The following NANS variants were observed in gnomAD, a reference collection of about 807,000 sequenced individuals.
NANS encodes N-acetylneuraminate-9-phosphate synthase.
In NANS, 29 loss-of-function variants were observed where a neutral mutation model predicts 33.3. The ratio of observed to expected loss-of-function variants is 0.87; its 90% confidence interval spans 0.65 to 1.19. The LOEUF (loss-of-function observed/expected upper bound fraction) is 1.19, where lower values mean the gene tolerates loss of function less well. Ranked by LOEUF, NANS falls within the 50% of genes most tolerant of loss-of-function variation. The pLI is 0.00. For synonymous variants in NANS, 163 were observed against 177.2 expected (o/e 0.92, Z 0.64); for missense variants, 394 against 461.1 (o/e 0.85, Z 1.33).
At chr9:98,062,379 C>G (rs958684315) in intron 2 of NANS, among the ~76,000 whole-genome samples, 1 of 152,084 alleles carries the variant, frequency 6.6e-6, no homozygotes, top group African/African-American at 2.4e-5. Flanking sequence ...TGGAAGAGTA[C>G]AGCTCGTGCC....
At chr9:98,065,012 A>G (rs1829094919) in intron 2 of NANS, among the ~76,000 whole-genome samples, 1 of 152,184 alleles carries the variant, frequency 6.6e-6, no homozygotes, top group Non-Finnish European at 1.5e-5. Flanking sequence ...AACCTGGGGC[A>G]GGGGCCTCAC....
At position 98,061,014 on chromosome 9, in the gene NANS, T is replaced by C. The variant is rs768129330; in HGVS notation, c.348+17T>C. 77 of 1,611,526 alleles carry C rather than the reference T, an allele frequency of 4.8e-5. No individual in the cohort carries two copies. The highest frequency in any genetic ancestry group is 6.5e-5 in the Non-Finnish European group (77 of 1,178,984). On this transcript the variant is annotated intron_variant, in intron 2 of 5. Transcript: ENST00000210444. ...ATGGATGAGGTGAGTCCTCTGCTGC[T>C]CTGTCATTTGTCACTTTAGCAGACC...
chr9:98,068,301 AT>A (rs1010115050), intron 2 of NANS, among the ~76,000 whole-genome samples: 1 of 150,738 alleles, frequency 6.6e-6, no homozygotes, highest in Non-Finnish European at 1.5e-5. Flanking sequence ...TGCCCAGCTA[AT>A]TTTTTTTTGT....
At position 98,081,015 on chromosome 9, in the gene NANS, T is replaced by C. The variant is rs1388373086; in HGVS notation, c.803T>C (p.Leu268Pro). ...ELAELVRSVR[L>P]VERALGSPTK... Reference sequence around the variant, plus strand: ...GCCGAGCTGGTGCGGTCAGTGCGTCTTGTGGAGCGTGCCCTGGGCTCCCCA... The same window carrying C: ...GCCGAGCTGGTGCGGTCAGTGCGTCCTGTGGAGCGTGCCCTGGGCTCCCCA... Residue 268 changes from leucine to proline, a missense_variant, in exon 5 of 6, where the codon CTT becomes CCT. By Grantham distance (98) the Leu-to-Pro change is moderately conservative (BLOSUM62 -3). Transcript: ENST00000210444. 1 of 1,614,218 alleles carries C rather than the reference T, an allele frequency of 6.2e-7. No homozygotes were observed. The highest frequency in any genetic ancestry group is 8.5e-7 in the Non-Finnish European group (1 of 1,180,038).
At chr9:98,078,480 C>A in intron 4 of NANS, 133 bp downstream of exon 4, 1 of 1,198,662 alleles carries the variant, frequency 8.3e-7, no homozygotes, top group Non-Finnish European at 1.2e-6. Context: ...TTGCTGTTAC[C>A]AAATCAAATT....
chr9:98,062,961 G>A (rs1007742560), intron 2 of NANS, among the ~76,000 whole-genome samples: 2 of 151,636 alleles, frequency 1.3e-5, no homozygotes, highest in South Asian at 2.1e-4. Flanking sequence ...TTTTGAGATG[G>A]AGTCTCACTC....
chr9:98,068,541 C>T (rs922562071), intron 2 of NANS, among the ~76,000 whole-genome samples: 11 of 151,396 alleles, frequency 7.3e-5, no homozygotes, highest in Non-Finnish European at 1.3e-4. Flanking sequence ...TGGCTGGATG[C>T]AGTGGCTCAC....
At chr9:98,062,870 G>GA in intron 2 of NANS, among the ~76,000 whole-genome samples, 1 of 147,500 alleles carries the variant, frequency 6.8e-6, no homozygotes, top group East Asian at 2.0e-4. Flanking sequence ...AGCTGCATGT[G>GA]AATCTACCAT....
chr9:98,072,435 G>A (rs866257044), intron 2 of NANS, among the ~76,000 whole-genome samples: 5 of 149,736 alleles, frequency 3.3e-5, no homozygotes, highest in South Asian at 2.1e-4. Flanking sequence ...TTTTTGAGAC[G>A]GAGTCTCGCT....
chr9:98,082,472 C>T (rs1829915456), intron 5 of NANS, among the ~76,000 whole-genome samples: 2 of 152,204 alleles, frequency 1.3e-5, no homozygotes, highest in Admixed American at 1.3e-4. Flanking sequence ...TGAGAGCATT[C>T]TATGTTCCAC....
intron 2 of NANS, among the ~76,000 whole-genome samples, chr9:98,066,557 G>A (rs1829153120): frequency 2.0e-5 from 3 of 151,988 alleles, no homozygotes; most frequent in Non-Finnish European, 4.4e-5. Flanking sequence ...TACAATTACC[G>A]TTAGAACATT....
intron 4 of NANS, 68 bp from the exon 5 acceptor site, chr9:98,080,748 G>A (rs1038468157): frequency 6.0e-6 from 9 of 1,506,198 alleles, no homozygotes; most frequent in East Asian, 2.3e-5. Flanking sequence ...AACCAGATAC[G>A]CTTCACCTGG....
intron 1 of NANS, among the ~76,000 whole-genome samples, chr9:98,059,536 T>C (rs1183997876): frequency 6.6e-6 from 1 of 152,154 alleles, no homozygotes; most frequent in Non-Finnish European, 1.5e-5. Flanking sequence ...CCCCTCAGCC[T>C]CCTGAGTAGC....
intron 2 of NANS, among the ~76,000 whole-genome samples, chr9:98,068,387 T>G (rs1266245853): frequency 6.6e-6 from 1 of 151,968 alleles, no homozygotes; most frequent in East Asian, 1.9e-4. Flanking sequence ...TGATCTGCCT[T>G]CCTCGGCCTC....
chr9:98,070,941 A>G (rs1177592138), intron 2 of NANS, among the ~76,000 whole-genome samples: 1 of 151,502 alleles, frequency 6.6e-6, no homozygotes, highest in Non-Finnish European at 1.5e-5. Flanking sequence ...CCTTCTTAGT[A>G]GCTGGGACTA....
rs1404330921 is a variant in NANS, at chr9:98,056,875, G to A, written c.67G>A (p.Ala23Thr). ...VGGQHPCFIIAEIGQNHQGDL... is the reference protein window; with the variant it reads ...VGGQHPCFIITEIGQNHQGDL... Reference sequence around the variant, plus strand: ...CGGGCAACACCCGTGCTTCATCATTGCCGAGATCGGCCAGAACCACCAGGG... The same window carrying A: ...CGGGCAACACCCGTGCTTCATCATTACCGAGATCGGCCAGAACCACCAGGG... The change falls in exon 1 of 6, where the codon GCC becomes ACC. Residue 23 changes from alanine (A) to threonine (T), a missense_variant. By Grantham distance (58) the Ala-to-Thr change is moderately conservative. Coordinates refer to ENST00000210444, the MANE Select transcript of NANS (RefSeq NM_018946.4). The A allele has an allele frequency of 2.5e-6, 4 of 1,611,930 alleles. No individual in the cohort carries two copies. The highest frequency in any genetic ancestry group is 2.2e-5 in the South Asian group (2 of 90,962).
At chr9:98,081,819 G>T (rs994291035) in intron 5 of NANS, 3 of 152,088 alleles carry the variant, frequency 2.0e-5, no homozygotes, top group African/African-American at 7.2e-5. Context: ...ATTCTAGTGG[G>T]GCCTACCTGC....
chr9:98,059,850 T>G (rs562420934), intron 1 of NANS, among the ~76,000 whole-genome samples: 24 of 152,264 alleles, frequency 1.6e-4, no homozygotes, highest in Middle Eastern at 6.8e-3. Flanking sequence ...TGTAACCTGT[T>G]CAAAGAAAAT....
intron 3 of NANS, 197 bp from the exon 4 acceptor site, chr9:98,077,995 GA>G: frequency 1.5e-6 from 1 of 666,852 alleles, no homozygotes; most frequent in Admixed American, 3.0e-5. Context: ...TCGGGGGGCA[GA>G]GGGGAGCCCA....
Sources: gnomAD v4.1 joint callset for allele counts (sites outside exome capture counted in the v4.1 genomes callset) on GRCh38, gnomAD v4.1.1 for gene constraint, MANE v1.5 for transcripts, NCBI Gene and HGNC (gene_info 2026-07-23, HGNC 2026-07-21) for gene names.